DENND1B: variants seen among roughly 807,000 people sequenced by gnomAD.
The protein encoded by DENND1B is DENN domain containing 1B, also known as DENN domain-containing protein 1B.
A neutral mutation model predicts 90.1 loss-of-function variants in DENND1B; 59 were observed. The observed-to-expected ratio is 0.65, with a 90% CI of 0.53 to 0.81. The LOEUF (loss-of-function observed/expected upper bound fraction) is 0.81, where lower values mean the gene tolerates loss of function less well. DENND1B is among the 40% of genes least tolerant of loss of function. The pLI is 0.00. For synonymous variants in DENND1B, 337 were observed against 324.6 expected (o/e 1.04, Z -0.41); for missense variants, 862 against 912.6 (o/e 0.94, Z 0.71).
At chr1:197,541,723 T>A (rs1274149739) in intron 18 of DENND1B, among the ~76,000 whole-genome samples, 2 of 152,174 alleles carry the variant, frequency 1.3e-5, no homozygotes, top group African/African-American at 2.4e-5. Flanking sequence ...GGAATTCATA[T>A]TTATTTTGTT....
At chr1:197,571,691 T>G (rs145912698) in intron 15 of DENND1B, among the ~76,000 whole-genome samples, 1 of 152,156 alleles carries the variant, frequency 6.6e-6, no homozygotes. Flanking sequence ...GCTACACATC[T>G]CTGAATCTCA....
chr1:197,616,064 C>G (rs1316233080), intron 11 of DENND1B, among the ~76,000 whole-genome samples: 1 of 150,858 alleles, frequency 6.6e-6, no homozygotes, highest in African/African-American at 2.4e-5. Flanking sequence ...TAATTCATTA[C>G]AGATAATTGA....
At chr1:197,563,972 T>C (rs1441787007) in intron 15 of DENND1B, among the ~76,000 whole-genome samples, 1 of 151,928 alleles carries the variant, frequency 6.6e-6, no homozygotes, top group African/African-American at 2.4e-5. Flanking sequence ...ACTAGAATTC[T>C]AAGTGGAACC....
At chr1:197,624,304 G>T (rs1678449532) in intron 10 of DENND1B, among the ~76,000 whole-genome samples, 1 of 151,536 alleles carries the variant, frequency 6.6e-6, no homozygotes, top group Admixed American at 6.6e-5. Flanking sequence ...AAGAAGCAAA[G>T]GCAATACAAT....
chr1:197,641,656 A>C (rs1192621881), intron 10 of DENND1B, among the ~76,000 whole-genome samples: 1 of 152,116 alleles, frequency 6.6e-6, no homozygotes, highest in African/African-American at 2.4e-5. Context: ...TATTTTTTTC[A>C]ATTGTAGAGT....
chr1:197,603,107 AGT>A (rs1676353520), intron 13 of DENND1B, among the ~76,000 whole-genome samples: 2 of 151,552 alleles, frequency 1.3e-5, no homozygotes, highest in African/African-American at 4.8e-5. Flanking sequence ...ATAACTCTTA[AGT>A]GTACCATATT....
chr1:197,540,077 C>A lies in DENND1B; in HGVS notation c.1408-6G>T, dbSNP rs1255922106. ...CCATAATCTTCTTCATTTTCCTACA[C>A]ATGAAAAAATATACAGGCAATAATT... On this transcript the variant is annotated splice_polypyrimidine_tract_variant and splice_region_variant and intron_variant, in intron 19 of 22. Coordinates refer to ENST00000620048, the MANE Select transcript of DENND1B (RefSeq NM_001195215.2). 2 of 1,587,030 alleles carry A rather than the reference C, an allele frequency of 1.3e-6. No homozygotes were observed. Among genetic ancestry groups the A allele is most frequent in the East Asian group, 2.3e-5 (1 of 44,434 alleles).
At chr1:197,606,112 T>C (rs1012601606) in intron 13 of DENND1B, 1 of 151,252 alleles carries the variant, frequency 6.6e-6, no homozygotes, top group Non-Finnish European at 1.5e-5. Context: ...GTTATAAAGA[T>C]ATTTTTAAGT....
chr1:197,685,299 T>C (rs1657120831), intron 3 of DENND1B, among the ~76,000 whole-genome samples: 1 of 152,136 alleles, frequency 6.6e-6, no homozygotes, highest in African/African-American at 2.4e-5. Context: ...GGATTGGGAA[T>C]CTGTAAATAA....
chr1:197,702,114 G>A (rs998982495), intron 3 of DENND1B, among the ~76,000 whole-genome samples: 4 of 152,118 alleles, frequency 2.6e-5, no homozygotes, highest in Non-Finnish European at 5.9e-5. Flanking sequence ...CTAACTTCTA[G>A]AGAGAAATGT....
At chr1:197,692,604 A>G (rs573462307) in intron 3 of DENND1B, among the ~76,000 whole-genome samples, 6 of 151,982 alleles carry the variant, frequency 3.9e-5, no homozygotes, top group South Asian at 4.1e-4. Flanking sequence ...CCTATAAATA[A>G]TAACTCCACA....
At chr1:197,770,751 TA>T (rs1354935475) in intron 2 of DENND1B, among the ~76,000 whole-genome samples, 2 of 140,722 alleles carry the variant, frequency 1.4e-5, no homozygotes, top group African/African-American at 5.2e-5. Flanking sequence ...TATATATCTA[TA>T]AATATATATA....
chr1:197,639,672 T>G (rs554245058), intron 10 of DENND1B, among the ~76,000 whole-genome samples: 2 of 152,146 alleles, frequency 1.3e-5, no homozygotes, highest in Non-Finnish European at 2.9e-5. Context: ...AAACACATTA[T>G]AGTCTCCGTG....
chr1:197,707,880 G>T (rs1290498035), intron 3 of DENND1B, among the ~76,000 whole-genome samples: 2 of 149,166 alleles, frequency 1.3e-5, no homozygotes, highest in African/African-American at 2.4e-5. Flanking sequence ...CGCACCGTGC[G>T]CGAGCCGAAG....
intron 21 of DENND1B, among the ~76,000 whole-genome samples, chr1:197,512,252 G>C (rs967149491): frequency 6.6e-6 from 1 of 151,612 alleles, no homozygotes; most frequent in Non-Finnish European, 1.5e-5. Context: ...TACTTGGAAA[G>C]TCTGCTATAG....
At chr1:197,743,769 G>A (rs1482848048) in intron 2 of DENND1B, among the ~76,000 whole-genome samples, 5 of 152,132 alleles carry the variant, frequency 3.3e-5, no homozygotes, top group Non-Finnish European at 7.4e-5. Flanking sequence ...GACTGCTTGA[G>A]CCCAGGTGTT....
At chr1:197,691,308 CA>C (rs1444868452) in intron 3 of DENND1B, among the ~76,000 whole-genome samples, 11 of 145,220 alleles carry the variant, frequency 7.6e-5, no homozygotes, top group African/African-American at 2.5e-4. Flanking sequence ...AGGACTTAAA[CA>C]GACATTTCTC....
intron 20 of DENND1B, among the ~76,000 whole-genome samples, chr1:197,529,908 A>G (rs748291857): frequency 1.5e-4 from 23 of 152,178 alleles, no homozygotes; most frequent in African/African-American, 4.3e-4. Context: ...CCTGTTTTCA[A>G]TAAAACCAGA....
chr1:197,714,520 A>T (rs929955298), intron 3 of DENND1B, among the ~76,000 whole-genome samples: 2 of 152,074 alleles, frequency 1.3e-5, no homozygotes, highest in Non-Finnish European at 2.9e-5. Flanking sequence ...TGCATGCCAT[A>T]TTTTTTAAAG....
Sources: allele counts gnomAD v4.1 joint callset (sites outside exome capture counted in the v4.1 genomes callset), GRCh38; gene constraint gnomAD v4.1.1; transcripts MANE v1.5; gene names NCBI Gene and HGNC (gene_info 2026-07-23, HGNC 2026-07-21).